Variants in ADCY10 observed in about 807,000 individuals in gnomAD.
ADCY10 encodes adenylate cyclase type 10.
ADCY10 carries 156 observed loss-of-function variants against 183.3 expected under a neutral mutation model. That is an observed-to-expected ratio of 0.85 (90% confidence interval 0.75 to 0.97). ADCY10 has a LOEUF of 0.97. Ranked by LOEUF, ADCY10 falls within the 50% of genes least tolerant of loss-of-function variation. The pLI, the probability that ADCY10 is intolerant of heterozygous loss-of-function variation, is 0.00. For synonymous variants in ADCY10, 645 were observed against 670.0 expected, an observed-to-expected ratio of 0.96 and a Z score of 0.58; for missense variants, 1,745 against 1,934.3, an observed-to-expected ratio of 0.90 and a Z score of 1.84.
intron 30 of ADCY10, chr1:167,818,560 G>C (rs1019921594): frequency 4.4e-6 from 2 of 454,952 alleles, no homozygotes; most frequent in Admixed American, 2.9e-5. Context: ...TTTTTGAGAC[G>C]AAGTCTTGCT....
chr1:167,824,285 T>C (rs1019460498), intron 28 of ADCY10, among the ~76,000 whole-genome samples, 191 bp downstream of exon 28: 1 of 152,094 alleles, frequency 6.6e-6, no homozygotes, highest in African/African-American at 2.4e-5. Context: ...ATTGCACTAC[T>C]GCACTCCAGC....
chr1:167,870,968 A>C (rs1667066132), intron 13 of ADCY10, among the ~76,000 whole-genome samples: 2 of 152,188 alleles, frequency 1.3e-5, no homozygotes, highest in African/African-American at 2.4e-5. Context: ...AAGTATTCTT[A>C]TAATCCTCAT....
chr1:167,831,995 A>G (rs1663771418), intron 25 of ADCY10, among the ~76,000 whole-genome samples: 1 of 152,156 alleles, frequency 6.6e-6, no homozygotes, highest in South Asian at 2.1e-4. Flanking sequence ...CAACGTGCAC[A>G]GGAGCTCAGC....
In ADCY10 at chr1:167,840,460, G is replaced by A. The variant is rs145863711; in HGVS notation, c.3008-3142C>T. 8.3e-3 allele frequency among the ~76,000 whole-genome samples: 1,249 copies of A among 151,322 alleles called. 64 individuals carry two copies. The East Asian group carries it at 0.12, about 15-fold the overall frequency. ...CAACCTCTGCCTCCTGGATTCAAGCGATTCTCCTGCCTCAGCCTCCCAAGT... is the reference window on the plus strand; with the variant it reads ...CAACCTCTGCCTCCTGGATTCAAGCAATTCTCCTGCCTCAGCCTCCCAAGT... On this transcript the variant is annotated intron_variant, in intron 21 of 32. Transcript: ENST00000367851.
intron 21 of ADCY10, among the ~76,000 whole-genome samples, chr1:167,844,704 G>A (rs756534842): frequency 6.6e-6 from 1 of 152,014 alleles, no homozygotes; most frequent in Non-Finnish European, 1.5e-5. Flanking sequence ...AATGGAGAAC[G>A]AATGAGAAAA....
chr1:167,845,519 T>A (rs1352387516), intron 21 of ADCY10, 44 bp downstream of exon 21: 1 of 1,601,962 alleles, frequency 6.2e-7, no homozygotes, highest in South Asian at 1.1e-5. Context: ...AGTCTCTAGA[T>A]TTCCCAAGAA....
intron 7 of ADCY10, 62 bp downstream of exon 7, chr1:167,896,533 T>G (rs1013039958): frequency 1.5e-6 from 2 of 1,319,492 alleles, no homozygotes; most frequent in East Asian, 4.6e-5. Context: ...CTGTCGGCAT[T>G]GATATAAGAC....
chr1:167,864,090 C>CTTTGGT (rs1224553520), intron 14 of ADCY10, among the ~76,000 whole-genome samples: 1 of 152,154 alleles, frequency 6.6e-6, no homozygotes, highest in Non-Finnish European at 1.5e-5. Context: ...TTGCTTGATA[C>CTTTGGT]TTTGGTTTTG....
chr1:167,886,420 C>A (rs528939296), intron 8 of ADCY10, among the ~76,000 whole-genome samples: 1 of 152,120 alleles, frequency 6.6e-6, no homozygotes, highest in African/African-American at 2.4e-5. Context: ...TGATCTTTGA[C>A]AAACCTGAAA....
intron 1 of ADCY10, among the ~76,000 whole-genome samples, chr1:167,909,289 C>G (rs1670006034): frequency 6.6e-6 from 1 of 152,164 alleles, no homozygotes; most frequent in African/African-American, 2.4e-5. Context: ...ATACTATTGA[C>G]CTGTGGGTTG....
chr1:167,842,950 C>T (rs1434445810), intron 21 of ADCY10, among the ~76,000 whole-genome samples: 3 of 152,096 alleles, frequency 2.0e-5, no homozygotes, highest in African/African-American at 4.8e-5. Context: ...GTGTGTGGGA[C>T]GGTCGGCCAT....
chr1:167,875,906 T>C (rs1476561783), intron 12 of ADCY10, among the ~76,000 whole-genome samples: 2 of 151,278 alleles, frequency 1.3e-5, no homozygotes, highest in Non-Finnish European at 2.9e-5. Flanking sequence ...TGAGCCGAGA[T>C]CGCACCACTG....
At chr1:167,911,282 C>G (rs372571221) in intron 1 of ADCY10, among the ~76,000 whole-genome samples, 2 of 152,180 alleles carry the variant, frequency 1.3e-5, no homozygotes, top group African/African-American at 4.8e-5. Flanking sequence ...AGTAACTTAT[C>G]TTAAAAGCAA....
At chr1:167,911,088 G>T (rs1670121861) in intron 1 of ADCY10, among the ~76,000 whole-genome samples, 2 of 152,138 alleles carry the variant, frequency 1.3e-5, no homozygotes, top group South Asian at 4.1e-4. Flanking sequence ...TGTTGCTCAG[G>T]ATCAACTAGG....
chr1:167,885,031 AG>A (rs1668130233), intron 8 of ADCY10, among the ~76,000 whole-genome samples: 1 of 152,218 alleles, frequency 6.6e-6, no homozygotes, highest in Non-Finnish European at 1.5e-5. Context: ...CAAATAAGTG[AG>A]AACATGTGGT....
At chr1:167,855,307 C>G (rs548092428) in intron 17 of ADCY10, among the ~76,000 whole-genome samples, 1 of 151,352 alleles carries the variant, frequency 6.6e-6, no homozygotes, top group African/African-American at 2.4e-5. Context: ...GCAATGAGAG[C>G]GAAACTAGGT....
At chr1:167,904,098 T>A in intron 2 of ADCY10, 107 bp from the exon 3 acceptor site, 1 of 698,816 alleles carries the variant, frequency 1.4e-6, no homozygotes, top group South Asian at 1.7e-5. Flanking sequence ...TTTTTTTTTT[T>A]TTTTTTTGAG....
chr1:167,822,800 T>G (rs1210044289), intron 29 of ADCY10, among the ~76,000 whole-genome samples: 1 of 152,180 alleles, frequency 6.6e-6, no homozygotes, highest in Non-Finnish European at 1.5e-5. Context: ...TCCTTCAGAC[T>G]TAATTCTCCT....
In ADCY10 at chr1:167,860,955, T is replaced by C; in HGVS notation, c.1725A>G (p.Glu575=). 1 of 1,614,148 alleles carries C rather than the reference T, an allele frequency of 6.2e-7. No homozygotes were observed. Among genetic ancestry groups the C allele is most frequent in the Middle Eastern group, 1.6e-4 (1 of 6,062 alleles). ...CTTTATTTCGAAGGTTGGTCTGTCG[T>C]TCTTTATAATGTTTACAAGTGTCTA... ...LGLDTCKHYK[E]RQTNLRNKVM... The change falls in exon 15 of 33, where the codon GAA becomes GAG. Residue 575 remains glutamate, a synonymous_variant. Transcript: ENST00000367851.
Sources: gnomAD v4.1 joint callset for allele counts (sites outside exome capture counted in the v4.1 genomes callset) on GRCh38, gnomAD v4.1.1 for gene constraint, MANE v1.5 for transcripts, NCBI Gene and HGNC (gene_info 2026-07-23, HGNC 2026-07-21) for gene names.